Variants in LRFN2 observed in about 807,000 individuals in gnomAD.
LRFN2 encodes leucine rich repeat and fibronectin type III domain containing 2.
LRFN2 carries 18 observed loss-of-function variants against 37.3 expected under a neutral mutation model. The observed-to-expected ratio is 0.48, with a 90% CI of 0.33 to 0.72. The LOEUF (loss-of-function observed/expected upper bound fraction) is 0.72, where lower values mean the gene tolerates loss of function less well. LRFN2 is among the 30% of genes least tolerant of loss of function. The pLI is 0.02. For synonymous variants in LRFN2, 556 were observed against 466.6 expected (o/e 1.19, Z -2.47); for missense variants, 1,006 against 1,060.7 (o/e 0.95, Z 0.72).
chr6:40,450,003 C>T (rs1380365698), intron 1 of LRFN2, among the ~76,000 whole-genome samples: 1 of 152,190 alleles, frequency 6.6e-6, no homozygotes, highest in Non-Finnish European at 1.5e-5. Flanking sequence ...GGCATCCCAG[C>T]CCCCTCCCTG....
intron 1 of LRFN2, among the ~76,000 whole-genome samples, chr6:40,483,787 T>C (rs1028037776): frequency 2.6e-5 from 4 of 152,144 alleles, no homozygotes; most frequent in Non-Finnish European, 5.9e-5. Context: ...TACCCTCAGG[T>C]CTCAGTTAGG....
At chr6:40,433,246 G>A (rs1358539928) in intron 1 of LRFN2, 115 bp from the exon 2 acceptor site, 2 of 798,514 alleles carry the variant, frequency 2.5e-6, no homozygotes, top group East Asian at 2.8e-5. Context: ...AGAATGGCAA[G>A]TGCTCAAGCA....
rs200381010 is a variant in LRFN2, at chr6:40,392,093, G to A, written c.2220C>T (p.Gly740=). The part of the protein sequence containing the change: ...AAAAAGGVVP[G]GYSPPRKVSN... ...AGACCTTCCGAGGAGGACTGTAGCC[G>A]CCCGGCACGACCCCTCCCGCCGCCG... Residue 740 remains glycine, a synonymous_variant, in exon 3 of 3, where the codon GGC becomes GGT. Coordinates refer to ENST00000338305, the MANE Select transcript of LRFN2 (RefSeq NM_020737.3). This position sits in a 1 kb window ranked among gnomAD's most constrained non-coding sequence, Gnocchi z 4.7. The A allele has an allele frequency of 9.3e-6, 15 of 1,613,648 alleles. No homozygotes were observed. Among genetic ancestry groups the A allele is most frequent in the Middle Eastern group, 1.6e-4 (1 of 6,080 alleles).
At chr6:40,417,151 C>T (rs1175117853) in intron 2 of LRFN2, among the ~76,000 whole-genome samples, 1 of 152,210 alleles carries the variant, frequency 6.6e-6, no homozygotes, top group East Asian at 1.9e-4. Context: ...TTCCTAGCAA[C>T]AATCAAAGCT....
At chr6:40,431,690 C>A in intron 2 of LRFN2, 24 bp downstream of exon 2, 4 of 1,502,268 alleles carry the variant, frequency 2.7e-6, no homozygotes, top group South Asian at 2.7e-5. Context: ...ACCCTCCCTG[C>A]CTTTGCCACA....
At chr6:40,523,167 A>G (rs403319) in intron 1 of LRFN2, among the ~76,000 whole-genome samples, 105,787 of 152,104 alleles carry the variant, frequency 0.7, 38,087 homozygotes, top group African/African-American at 0.88. Flanking sequence ...GTGTCACTGG[A>G]CCAAATGAGA....
intron 1 of LRFN2, among the ~76,000 whole-genome samples, chr6:40,477,840 C>T (rs79925604): frequency 0.017 from 2,603 of 152,156 alleles, 34 homozygotes; most frequent in East Asian, 0.027. Context: ...GTCATCCGTG[C>T]CCCTCTTTAG....
intron 1 of LRFN2, among the ~76,000 whole-genome samples, chr6:40,434,753 C>T (rs910833566): frequency 6.6e-6 from 1 of 151,706 alleles, no homozygotes; most frequent in Non-Finnish European, 1.5e-5. Context: ...GCTGGGATTA[C>T]AAGCGTGAGC....
intron 1 of LRFN2, among the ~76,000 whole-genome samples, chr6:40,549,461 A>G (rs1231596274): frequency 1.3e-5 from 2 of 152,232 alleles, no homozygotes; most frequent in African/African-American, 4.8e-5. Context: ...ATTACTTCAT[A>G]TGGCTTTCAA....
chr6:40,568,882 C>T (rs550592450), intron 1 of LRFN2, among the ~76,000 whole-genome samples: 3 of 152,124 alleles, frequency 2.0e-5, no homozygotes, highest in Middle Eastern at 3.2e-3. Context: ...CCACCATGCC[C>T]GGCTAATTTT....
chr6:40,397,432 A>G (rs1459911028), intron 2 of LRFN2, among the ~76,000 whole-genome samples: 1 of 152,214 alleles, frequency 6.6e-6, no homozygotes, highest in Admixed American at 6.5e-5. Context: ...TCTCAGCACC[A>G]CACCATCTCT....
intron 1 of LRFN2, chr6:40,523,983 GGGGC>G: frequency 5.3e-5 from 1 of 18,722 alleles, no homozygotes; most frequent in Non-Finnish European, 9.2e-5. Flanking sequence ...GGCAGGGGGA[GGGGC>G]TGGGAAGGGC....
At position 40,403,711 on chromosome 6, in the gene LRFN2, G is replaced by C. The variant is rs539033316; in HGVS notation, c.1401-10799C>G. ...CTGTTGAGTTGGCCTCTGGGTCTGG[G>C]TGTCCTTCCTTGCTCCCATCCCCCA... On this transcript the variant is annotated intron_variant, in intron 2 of 2. Coordinates refer to ENST00000338305, the MANE Select transcript of LRFN2 (RefSeq NM_020737.3). 6.6e-5 allele frequency among the ~76,000 whole-genome samples: 10 copies of C among 152,260 alleles called. No homozygotes were observed. In the South Asian group the frequency reaches 2.1e-3, roughly 32 times the overall value.
rs1482684982 is a variant in LRFN2 at position 40,470,460 on chromosome 6, A to T, written c.-18-37329T>A. On this transcript the variant is annotated intron_variant, in intron 1 of 2. Transcript: ENST00000338305. ...CCCCTTCTTAACTAAAAATATAAAA[A>T]TCAGCTGGGCATGGTGGCATGCACC... is the stretch of plus-strand genomic sequence containing the variant. Among the ~76,000 whole-genome samples, 3 of 152,234 alleles carry T rather than the reference A, an allele frequency of 2.0e-5. No individual in the cohort carries two copies. The East Asian group carries it at 5.8e-4, about 30-fold the overall frequency.
At chr6:40,520,865 C>T (rs998683370) in intron 1 of LRFN2, among the ~76,000 whole-genome samples, 94 of 152,156 alleles carry the variant, frequency 6.2e-4, no homozygotes, top group African/African-American at 2.1e-3. Flanking sequence ...CACCGAGCAC[C>T]CTCAGAGGGG....
intron 1 of LRFN2, among the ~76,000 whole-genome samples, chr6:40,462,176 G>T (rs1764361176): frequency 6.6e-6 from 1 of 152,170 alleles, no homozygotes; most frequent in Admixed American, 6.5e-5. Flanking sequence ...GAAAAACAGA[G>T]GCGAAGTATT....
At chr6:40,480,264 GC>G (rs778102156) in intron 1 of LRFN2, among the ~76,000 whole-genome samples, 19 of 152,090 alleles carry the variant, frequency 1.2e-4, no homozygotes, top group Non-Finnish European at 2.2e-4. Context: ...TTCAGTTCAG[GC>G]TTTTTTTCTT....
At chr6:40,494,931 GTCCTTGGACTTATC>G (rs1765189017) in intron 1 of LRFN2, among the ~76,000 whole-genome samples, 2 of 152,118 alleles carry the variant, frequency 1.3e-5, no homozygotes, top group African/African-American at 4.8e-5. Flanking sequence ...TACTCTTGTT[GTCCTTGGACTTATC>G]TCCTTCCTTC....
intron 1 of LRFN2, among the ~76,000 whole-genome samples, chr6:40,540,683 G>A (rs975772362): frequency 3.9e-5 from 6 of 152,154 alleles, no homozygotes; most frequent in Admixed American, 2.0e-4. Flanking sequence ...GGAGAAACAC[G>A]GGGCCTTCTG....
Sources: gnomAD v4.1 joint callset for allele counts (sites outside exome capture counted in the v4.1 genomes callset) on GRCh38, gnomAD v4.1.1 for gene constraint, Gnocchi (gnomAD v3.1) non-coding constraint, MANE v1.5 for transcripts, NCBI Gene and HGNC (gene_info 2026-07-23, HGNC 2026-07-21) for gene names.